NFIB: variants seen among roughly 807,000 people sequenced by gnomAD.
NFIB encodes nuclear factor 1 B-type.
NFIB carries 11 observed loss-of-function variants against 61.5 expected under a neutral mutation model. That is an observed-to-expected ratio of 0.18 (90% CI 0.11 to 0.30). The LOEUF (loss-of-function observed/expected upper bound fraction) is 0.30, where lower values mean the gene tolerates loss of function less well. Ranked by LOEUF, NFIB falls within the 10% of genes least tolerant of loss-of-function variation. The pLI, the probability that NFIB is intolerant of heterozygous loss-of-function variation, is 1.00. For missense variants in NFIB, 471 were observed against 608.9 expected (o/e 0.77, Z 2.38); for synonymous variants, 260 against 216.5 (o/e 1.20, Z -1.76).
the NFIB span, among the ~76,000 whole-genome samples, chr9:14,431,553 G>C: frequency 1.3e-5 from 2 of 151,940 alleles, no homozygotes; most frequent in Non-Finnish European, 2.9e-5. Flanking sequence ...CCTGTTCTAA[G>C]TGGCTTCTGT....
the NFIB span, among the ~76,000 whole-genome samples, chr9:14,469,554 C>T: frequency 6.6e-6 from 1 of 152,312 alleles, no homozygotes; most frequent in East Asian, 1.9e-4. Flanking sequence ...CTTCTTCCCT[C>T]TGCATGCATG....
chr9:14,494,656 A>G, the NFIB span, among the ~76,000 whole-genome samples: 1 of 152,184 alleles, frequency 6.6e-6, no homozygotes, highest in Non-Finnish European at 1.5e-5. Context: ...TCATTTCTGA[A>G]AGAGGCGCTC....
chr9:14,102,814 C>T (rs1350506981), intron 10 of NFIB, among the ~76,000 whole-genome samples: 3 of 152,028 alleles, frequency 2.0e-5, no homozygotes, highest in East Asian at 1.9e-4. Flanking sequence ...TGAAAGCAAA[C>T]GTTAATGTTC....
the NFIB span, among the ~76,000 whole-genome samples, chr9:14,430,544 T>G: frequency 6.6e-6 from 1 of 151,962 alleles, no homozygotes; most frequent in African/African-American, 2.4e-5. Flanking sequence ...GGAATCTAGT[T>G]TGAGAATGGC....
intron 9 of NFIB, among the ~76,000 whole-genome samples, chr9:14,113,472 T>C (rs1241126490): frequency 6.6e-6 from 1 of 152,198 alleles, no homozygotes; most frequent in East Asian, 1.9e-4. Context: ...TGATTCTAAA[T>C]GTAAAGCAGA....
intron 2 of NFIB, among the ~76,000 whole-genome samples, chr9:14,184,935 A>C (rs539099386): frequency 1.3e-5 from 2 of 152,256 alleles, no homozygotes; most frequent in African/African-American, 4.8e-5. Context: ...AGACATGAGA[A>C]TCACTTGGAC....
At chr9:14,368,338 A>T (rs1405005716) in intron 1 of NFIB, among the ~76,000 whole-genome samples, 13 of 152,216 alleles carry the variant, frequency 8.5e-5, no homozygotes, top group Non-Finnish European at 5.9e-5. Flanking sequence ...GACTTTAAGT[A>T]GTTTGTATTT....
chr9:14,505,085 T>A, the NFIB span, among the ~76,000 whole-genome samples: 4 of 152,202 alleles, frequency 2.6e-5, no homozygotes, highest in Non-Finnish European at 4.4e-5. Flanking sequence ...TCTATTGAGG[T>A]GATCACGTGA....
At position 14,344,108 on chromosome 9, in the gene NFIB, A is replaced by G. The variant is rs199821918; in HGVS notation, c.109-36588T>C. On this transcript the variant is annotated intron_variant, in intron 1 of 8. Coordinates refer to the NFIB transcript ENST00000380934. The stretch of plus-strand genomic sequence containing the variant: ...TTAAAGAGAGGGAGAGAGAGAGAGA[A>G]AGAGAGAGAGAGAGAGAGAGAGAGA... Among the ~76,000 whole-genome samples the G allele has an allele frequency of 3.4e-3, 476 of 141,526 alleles. 4 individuals are homozygous for G. Among genetic ancestry groups the G allele is most frequent in the African/African-American group, 0.012 (443 of 38,056 alleles). The allele number at this position is 141,526 out of a possible 152,430, so 92.8% of individuals were successfully genotyped here.
intron 2 of NFIB, among the ~76,000 whole-genome samples, chr9:14,269,958 A>T (rs1297586805): frequency 6.6e-6 from 1 of 152,168 alleles, no homozygotes; most frequent in Non-Finnish European, 1.5e-5. Context: ...ATATTGATTA[A>T]TTTTACATTA....
At chr9:14,388,175 T>A (rs919978236) in intron 1 of NFIB, among the ~76,000 whole-genome samples, 13 of 152,108 alleles carry the variant, frequency 8.5e-5, no homozygotes, top group South Asian at 2.1e-4. Context: ...ATAGCTTGAA[T>A]TACAAGGATG....
the NFIB span, among the ~76,000 whole-genome samples, chr9:14,407,542 G>C: frequency 6.6e-6 from 1 of 152,138 alleles, no homozygotes; most frequent in Non-Finnish European, 1.5e-5. Flanking sequence ...AAAGGAGTTA[G>C]AGGATAAACA....
Position 14,125,666 on chromosome 9 carries a change from G to C in NFIB, c.1026C>G (p.His342Gln), listed in dbSNP as rs375951326. The C allele has an allele frequency of 2.5e-6, 4 of 1,614,024 alleles. No homozygotes were observed. The highest frequency in any genetic ancestry group is 2.2e-5 in the East Asian group (1 of 44,876). The change falls in exon 7 of 11, where the codon CAC (histidine) becomes CAG (glutamine). Residue 342 changes from histidine (H) to glutamine (Q), a missense_variant. Coordinates refer to ENST00000380953, the MANE Select transcript of NFIB (RefSeq NM_001190737.2). ...SSPRLSTFPQ[H>Q]HHPGIPGVAH... ...CAACTCCAGGTATTCCGGGATGGTG[G>C]TGCTGGGGGAAAGTGCTCAGTCTTG...
the NFIB span, among the ~76,000 whole-genome samples, chr9:14,496,420 G>A: frequency 3.3e-5 from 5 of 152,282 alleles, no homozygotes; most frequent in South Asian, 2.1e-4. Context: ...CCATGTTGGT[G>A]CTTGAAAATT....
At chr9:14,295,888 C>A (rs1459567725) in intron 2 of NFIB, among the ~76,000 whole-genome samples, 1 of 152,158 alleles carries the variant, frequency 6.6e-6, no homozygotes, top group African/African-American at 2.4e-5. Flanking sequence ...GATTCCTTCC[C>A]TTCAAATATA....
chr9:14,293,040 T>G (rs1466518778), intron 2 of NFIB, among the ~76,000 whole-genome samples: 3 of 152,214 alleles, frequency 2.0e-5, no homozygotes, highest in Non-Finnish European at 4.4e-5. Flanking sequence ...CTAAATGGTT[T>G]GTTTGTACTT....
At chr9:14,242,075 C>G (rs75425617) in intron 2 of NFIB, among the ~76,000 whole-genome samples, 3,205 of 152,196 alleles carry the variant, frequency 0.021, 124 homozygotes, top group African/African-American at 0.073. Flanking sequence ...CAGCAAAAGG[C>G]GACAGAGTCC....
At chr9:14,106,047 T>C (rs2036508675) in intron 10 of NFIB, among the ~76,000 whole-genome samples, 1 of 152,118 alleles carries the variant, frequency 6.6e-6, no homozygotes, top group Admixed American at 6.6e-5. Flanking sequence ...TATAGAATTT[T>C]TCTAAGTTCA....
At chr9:14,196,654 T>C (rs953693953) in intron 2 of NFIB, among the ~76,000 whole-genome samples, 3 of 148,214 alleles carry the variant, frequency 2.0e-5, no homozygotes, top group African/African-American at 5.0e-5. Context: ...GAAAGATTAG[T>C]AGTAATTTTA....
Sources: allele counts gnomAD v4.1 joint callset (sites outside exome capture counted in the v4.1 genomes callset), GRCh38; gene constraint gnomAD v4.1.1; transcripts MANE v1.5; gene names NCBI Gene and HGNC (gene_info 2026-07-23, HGNC 2026-07-21).